HEMK2: variants seen among roughly 807,000 people sequenced by gnomAD.
The protein encoded by HEMK2 is HemK methyltransferase 2, ETF1 glutamine and histone H4 lysine, also known as methyltransferase HEMK2.
At chr21:28,698,962 C>A in the HEMK2 span, among the ~76,000 whole-genome samples, 4 of 152,186 alleles carry the variant, frequency 2.6e-5, no homozygotes, top group African/African-American at 7.2e-5. Context: ...TTCACATTAT[C>A]CCATGGTTTT....
chr21:28,692,352 T>C, the HEMK2 span, among the ~76,000 whole-genome samples: 2 of 152,200 alleles, frequency 1.3e-5, no homozygotes, highest in South Asian at 4.1e-4. Context: ...ATGCAATTAA[T>C]AGTGTACAGA....
chr21:28,730,418 A>ACACACACACAATTTAT, the HEMK2 span, among the ~76,000 whole-genome samples: 3,984 of 142,128 alleles, frequency 0.028, 66 homozygotes, highest in East Asian at 0.06. Flanking sequence ...ACACACACAC[A>ACACACACACAATTTAT]TTTCTCACAA....
At chr21:28,883,456 A>G in the HEMK2 span, among the ~76,000 whole-genome samples, 1 of 152,184 alleles carries the variant, frequency 6.6e-6, no homozygotes, top group African/African-American at 2.4e-5. Context: ...AGTTTGTATT[A>G]TTACAAAATT....
chr21:28,596,516 A>G, the HEMK2 span, among the ~76,000 whole-genome samples: 1 of 152,206 alleles, frequency 6.6e-6, no homozygotes, highest in Non-Finnish European at 1.5e-5. Flanking sequence ...ACATATGAAT[A>G]ATTCTATAAT....
the HEMK2 span, among the ~76,000 whole-genome samples, chr21:28,665,799 C>T: frequency 2.4e-4 from 36 of 151,954 alleles, no homozygotes; most frequent in East Asian, 1.7e-3. Flanking sequence ...ATGTTTATTG[C>T]GGCACTATTC....
At chr21:28,596,572 A>G in the HEMK2 span, among the ~76,000 whole-genome samples, 5 of 152,190 alleles carry the variant, frequency 3.3e-5, no homozygotes, top group Admixed American at 2.6e-4. Context: ...CAAGTCAGAG[A>G]AGGTTTAATT....
chr21:28,704,436 C>A, the HEMK2 span, among the ~76,000 whole-genome samples: 1 of 151,798 alleles, frequency 6.6e-6, no homozygotes, highest in Admixed American at 6.6e-5. Flanking sequence ...TATATTGGAT[C>A]TGGGACACCA....
the HEMK2 span, among the ~76,000 whole-genome samples, chr21:28,792,761 T>C: frequency 3.8e-3 from 586 of 152,276 alleles, 1 homozygote; most frequent in African/African-American, 0.013. Context: ...GCGTCTTCTC[T>C]TCCTCATTAT....
At chr21:28,708,535 A>G in the HEMK2 span, among the ~76,000 whole-genome samples, 1 of 152,232 alleles carries the variant, frequency 6.6e-6, no homozygotes, top group Admixed American at 6.5e-5. Context: ...ACAACAATTA[A>G]TTCCAAGCAT....
At chr21:28,815,823 T>C in the HEMK2 span, among the ~76,000 whole-genome samples, 14 of 152,094 alleles carry the variant, frequency 9.2e-5, no homozygotes, top group Non-Finnish European at 2.1e-4. Flanking sequence ...GGGAGGAAGG[T>C]CTTTACAGTA....
the HEMK2 span, among the ~76,000 whole-genome samples, chr21:28,716,830 T>C: frequency 3.3e-5 from 5 of 152,238 alleles, no homozygotes; most frequent in Non-Finnish European, 7.3e-5. Flanking sequence ...TGCTGGATTT[T>C]ATGAAAAAGC....
At chr21:28,860,625 T>A in the HEMK2 span, among the ~76,000 whole-genome samples, 1 of 152,128 alleles carries the variant, frequency 6.6e-6, no homozygotes, top group African/African-American at 2.4e-5. Flanking sequence ...TCAAATCTGC[T>A]AAGATTGCCC....
At chr21:28,846,557 T>G in the HEMK2 span, among the ~76,000 whole-genome samples, 2 of 152,144 alleles carry the variant, frequency 1.3e-5, no homozygotes, top group African/African-American at 4.8e-5. Context: ...ATTAGTAATA[T>G]TGAGTATTTT....
the HEMK2 span, among the ~76,000 whole-genome samples, chr21:28,728,528 CTTG>C: frequency 6.6e-6 from 1 of 152,084 alleles, no homozygotes; most frequent in Non-Finnish European, 1.5e-5. Context: ...TAGGCAAATA[CTTG>C]TTTTCTTCTA....
the HEMK2 span, among the ~76,000 whole-genome samples, chr21:28,746,994 A>C: frequency 1.3e-5 from 2 of 152,224 alleles, no homozygotes; most frequent in African/African-American, 4.8e-5. Flanking sequence ...TATGGTGCAG[A>C]GAACGTAGAA....
the HEMK2 span, among the ~76,000 whole-genome samples, chr21:28,811,856 A>C: frequency 6.6e-6 from 1 of 152,236 alleles, no homozygotes; most frequent in Non-Finnish European, 1.5e-5. Flanking sequence ...CTGGTTGCTT[A>C]ATGTTCCTGT....
At chr21:28,841,436 ATT>A in the HEMK2 span, among the ~76,000 whole-genome samples, 4 of 83,174 alleles carry the variant, frequency 4.8e-5, no homozygotes, top group South Asian at 9.2e-4. Context: ...AAATATATAT[ATT>A]ATATATAAAA....
chr21:28,622,947 T>G, the HEMK2 span, among the ~76,000 whole-genome samples: 1 of 151,940 alleles, frequency 6.6e-6, no homozygotes, highest in African/African-American at 2.4e-5. Context: ...GACTAAAACA[T>G]AAAAAGCAAC....
chr21:28,877,378 GAAGA>G, the HEMK2 span, among the ~76,000 whole-genome samples: 30 of 123,770 alleles, frequency 2.4e-4, 1 homozygote, highest in African/African-American at 7.4e-4. Flanking sequence ...GAAGGGAAGG[GAAGA>G]AAGAAGGAAG....
Sources: allele counts gnomAD v4.1 joint callset (sites outside exome capture counted in the v4.1 genomes callset), GRCh38; gene constraint gnomAD v4.1.1; transcripts MANE v1.5; gene names NCBI Gene and HGNC (gene_info 2026-07-23, HGNC 2026-07-21).